Variants in LRRTM3 observed in about 807,000 individuals in gnomAD.
LRRTM3 encodes leucine-rich repeat transmembrane neuronal protein 3.
LRRTM3 carries 24 observed loss-of-function variants against 44.7 expected under a neutral mutation model. The ratio of observed to expected loss-of-function variants is 0.54; its 90% CI spans 0.39 to 0.76. The LOEUF (loss-of-function observed/expected upper bound fraction) is 0.76. Ranked by LOEUF, LRRTM3 falls within the 30% of genes least tolerant of loss-of-function variation. LRRTM3 has a pLI of 0.00. For synonymous variants in LRRTM3, 277 were observed against 278.7 expected, an observed-to-expected ratio of 0.99 and a Z score of 0.06; for missense variants, 587 against 702.2, an observed-to-expected ratio of 0.84 and a Z score of 1.85.
chr10:67,003,039 G>A (rs1338214773), intron 2 of LRRTM3, among the ~76,000 whole-genome samples: 1 of 152,010 alleles, frequency 6.6e-6, no homozygotes, highest in Non-Finnish European at 1.5e-5. Context: ...ATAATGCCAT[G>A]GTTATGTTCA....
intron 2 of LRRTM3, among the ~76,000 whole-genome samples, chr10:66,962,345 T>C (rs1037810810): frequency 2.0e-5 from 3 of 152,100 alleles, no homozygotes; most frequent in African/African-American, 7.2e-5. Context: ...CTGCCTATAA[T>C]ACTCTTGCCC....
At chr10:67,043,196 A>C (rs1854516058) in intron 2 of LRRTM3, among the ~76,000 whole-genome samples, 1 of 145,356 alleles carries the variant, frequency 6.9e-6, no homozygotes, top group African/African-American at 2.6e-5. Flanking sequence ...TTCTCCCTAT[A>C]GCTCACATAC....
rs536948083 is a variant in LRRTM3, at chr10:67,041,106, C to CCAAG, written c.1537-56480_1537-56477dup. ...TAGTGTTATTTGGTCCATAGAGATG[C>CCAAG]CAAGGTATGTCAGTTGTCTCACTGA... On this transcript the variant is annotated intron_variant, in intron 2 of 2. Transcript: ENST00000361320. Among the ~76,000 whole-genome samples, 435 of 152,090 alleles carry CCAAG rather than the reference C, an allele frequency of 2.9e-3. 1 individual carries two copies. Among genetic ancestry groups the CCAAG allele is most frequent in the African/African-American group, 1.0e-2 (415 of 41,514 alleles).
At chr10:67,074,142 C>A (rs1856612013) in intron 2 of LRRTM3, among the ~76,000 whole-genome samples, 1 of 148,784 alleles carries the variant, frequency 6.7e-6, no homozygotes, top group Admixed American at 6.8e-5. Context: ...AAGAGATCCT[C>A]CTTCCTCAGC....
At chr10:67,048,382 C>T (rs1358928389) in intron 2 of LRRTM3, among the ~76,000 whole-genome samples, 1 of 152,068 alleles carries the variant, frequency 6.6e-6, no homozygotes, top group Non-Finnish European at 1.5e-5. Context: ...AAATTCCTTA[C>T]ATGATGATCA....
At chr10:66,968,845 T>C (rs1268344992) in intron 2 of LRRTM3, among the ~76,000 whole-genome samples, 3 of 151,958 alleles carry the variant, frequency 2.0e-5, no homozygotes, top group Non-Finnish European at 4.4e-5. Context: ...GGTGAAACCC[T>C]GTCTCTACCA....
chr10:66,927,161 A>G lies in LRRTM3; in HGVS notation c.245A>G (p.Lys82Arg). The stretch of plus-strand genomic sequence containing the variant: ...CAAAAACTTAAGTATAATCAATTTA[A>G]AGGGCTCAACCAGCTCACCTGGCTA... The part of the protein sequence containing the change: ...SLQKLKYNQF[K>R]GLNQLTWLYL... The change falls in exon 2 of 3, where the codon AAA becomes AGA. Residue 82 changes from lysine (K) to arginine (R), a missense_variant. Physicochemically the swap from Lys to Arg is conservative, Grantham distance 26. Transcript: ENST00000361320. This position sits in a 1 kb window ranked among gnomAD's most constrained non-coding sequence, Gnocchi z 4.7. The G allele has an allele frequency of 6.2e-7, 1 of 1,614,184 alleles. No individual in the cohort carries two copies.
intron 2 of LRRTM3, among the ~76,000 whole-genome samples, chr10:67,061,519 T>G (rs1473605863): frequency 1.3e-5 from 2 of 152,178 alleles, no homozygotes; most frequent in South Asian, 2.1e-4. Flanking sequence ...TTAGCTGGAG[T>G]GGAGGCTGCA....
chr10:67,079,354 A>C (rs1320298131), intron 2 of LRRTM3, among the ~76,000 whole-genome samples: 4 of 152,248 alleles, frequency 2.6e-5, no homozygotes, highest in Non-Finnish European at 5.9e-5. Context: ...CAGTTGCAGA[A>C]GGAACACAGC....
chr10:67,033,996 G>A (rs1219418895), intron 2 of LRRTM3, among the ~76,000 whole-genome samples: 2 of 152,046 alleles, frequency 1.3e-5, no homozygotes, highest in Non-Finnish European at 2.9e-5. Context: ...GGTCTCAAAT[G>A]CCTTACCTCA....
chr10:66,961,261 C>G (rs1329712998), intron 2 of LRRTM3, among the ~76,000 whole-genome samples: 1 of 151,976 alleles, frequency 6.6e-6, no homozygotes, highest in Non-Finnish European at 1.5e-5. Context: ...TCATCTCATT[C>G]TCTCTCTTAC....
chr10:66,930,860 G>T (rs1241535945), intron 2 of LRRTM3, among the ~76,000 whole-genome samples: 1 of 152,014 alleles, frequency 6.6e-6, no homozygotes, highest in Non-Finnish European at 1.5e-5. Context: ...TTTTGATTTG[G>T]GACATGAAAT....
intron 2 of LRRTM3, among the ~76,000 whole-genome samples, chr10:66,963,934 C>T (rs897907624): frequency 6.6e-6 from 1 of 151,932 alleles, no homozygotes; most frequent in Non-Finnish European, 1.5e-5. Flanking sequence ...CCTCCAACTC[C>T]CTGGTTCAAG....
chr10:67,087,616 C>T (rs1208375516), intron 2 of LRRTM3, among the ~76,000 whole-genome samples: 3 of 151,858 alleles, frequency 2.0e-5, no homozygotes, highest in Non-Finnish European at 4.4e-5. Flanking sequence ...AAGTGGATCT[C>T]AAACATCATA....
intron 2 of LRRTM3, among the ~76,000 whole-genome samples, chr10:67,084,014 A>C (rs1857180495): frequency 6.6e-6 from 1 of 152,150 alleles, no homozygotes; most frequent in South Asian, 2.1e-4. Flanking sequence ...AGTTCAAGGA[A>C]GAGGTTCGTT....
intron 2 of LRRTM3, among the ~76,000 whole-genome samples, chr10:67,095,489 G>T (rs978029046): frequency 2.6e-5 from 4 of 151,622 alleles, no homozygotes; most frequent in East Asian, 1.9e-4. Flanking sequence ...AATTGATAAT[G>T]GTTCAAATTA....
At chr10:66,980,929 A>ATTC (rs1850394372) in intron 2 of LRRTM3, among the ~76,000 whole-genome samples, 1 of 145,378 alleles carries the variant, frequency 6.9e-6, no homozygotes, top group African/African-American at 2.4e-5. Context: ...TTTTTGAGAC[A>ATTC]GAGTTTCACT....
chr10:66,950,350 A>C (rs1165517687), intron 2 of LRRTM3, among the ~76,000 whole-genome samples: 1 of 151,486 alleles, frequency 6.6e-6, no homozygotes, highest in Non-Finnish European at 1.5e-5. Flanking sequence ...ACAGGGAGGA[A>C]AAAATCTTAC....
intron 2 of LRRTM3, among the ~76,000 whole-genome samples, chr10:66,986,892 G>A (rs137897864): frequency 2.0e-5 from 3 of 152,116 alleles, no homozygotes; most frequent in Non-Finnish European, 2.9e-5. Flanking sequence ...ATACAGAAGT[G>A]CACCAAATAG....
Sources: allele counts gnomAD v4.1 joint callset (sites outside exome capture counted in the v4.1 genomes callset), GRCh38; gene constraint gnomAD v4.1.1; non-coding constraint Gnocchi (gnomAD v3.1); transcripts MANE v1.5; gene names NCBI Gene and HGNC (gene_info 2026-07-23, HGNC 2026-07-21).